The following PALLD variants were observed in gnomAD, a reference collection of about 807,000 sequenced individuals.
PALLD encodes palladin.
In PALLD, 61 loss-of-function variants were observed where a neutral mutation model predicts 123.5. The ratio of observed to expected loss-of-function variants is 0.49; its 90% CI spans 0.40 to 0.61. PALLD has a LOEUF of 0.61. PALLD is among the 20% of genes least tolerant of loss of function. PALLD has a pLI of 0.00. For synonymous variants in PALLD, 465 were observed against 496.4 expected (o/e 0.94, Z 0.84); for missense variants, 1,273 against 1,377.0 (o/e 0.92, Z 1.20).
intron 2 of PALLD, among the ~76,000 whole-genome samples, chr4:168,637,455 T>C (rs1350549752): frequency 2.0e-5 from 3 of 151,844 alleles, no homozygotes; most frequent in Non-Finnish European, 4.4e-5. Flanking sequence ...TTTGGCTCCA[T>C]GTTCTTCCTA....
intron 10 of PALLD, among the ~76,000 whole-genome samples, chr4:168,839,872 G>T (rs1745787912): frequency 6.6e-6 from 1 of 152,090 alleles, no homozygotes; most frequent in Non-Finnish European, 1.5e-5. Context: ...AAGAAAATTG[G>T]GCTCTCCGTG....
At chr4:168,539,196 A>T (rs1240787106) in intron 2 of PALLD, among the ~76,000 whole-genome samples, 1 of 152,192 alleles carries the variant, frequency 6.6e-6, no homozygotes, top group Non-Finnish European at 1.5e-5. Context: ...GGCTTAGAGA[A>T]ATTAAGTAAC....
intron 2 of PALLD, among the ~76,000 whole-genome samples, chr4:168,552,182 T>C (rs1229214027): frequency 6.6e-6 from 1 of 152,162 alleles, no homozygotes; most frequent in African/African-American, 2.4e-5. Flanking sequence ...GAGTTTGTAT[T>C]TGACATCAAT....
chr4:168,825,039 C>T (rs1462829508), intron 10 of PALLD, among the ~76,000 whole-genome samples: 3 of 151,518 alleles, frequency 2.0e-5, no homozygotes, highest in African/African-American at 7.3e-5. Flanking sequence ...TGGTCTCCAA[C>T]TCCTGGGCTC....
At chr4:168,820,610 G>T (rs1742577028) in intron 10 of PALLD, among the ~76,000 whole-genome samples, 1 of 152,090 alleles carries the variant, frequency 6.6e-6, no homozygotes, top group African/African-American at 2.4e-5. Context: ...TACACCCAAA[G>T]CATGAGCTCT....
chr4:168,585,590 G>A (rs1227886530), intron 2 of PALLD, among the ~76,000 whole-genome samples: 2 of 150,760 alleles, frequency 1.3e-5, no homozygotes, highest in African/African-American at 4.9e-5. Flanking sequence ...ACAGAGGGGG[G>A]CCTGGGATCC....
At chr4:168,605,265 T>A (rs992506243) in intron 2 of PALLD, among the ~76,000 whole-genome samples, 4 of 147,300 alleles carry the variant, frequency 2.7e-5, no homozygotes, top group Non-Finnish European at 6.0e-5. Context: ...AAAAAAAAAA[T>A]ACCGATGCCT....
At chr4:168,590,972 C>T (rs187506693) in intron 2 of PALLD, among the ~76,000 whole-genome samples, 1 of 142,282 alleles carries the variant, frequency 7.0e-6, no homozygotes, top group African/African-American at 2.7e-5. Flanking sequence ...CTCCTCCCCC[C>T]AGGTTCAAGC....
Position 168,913,991 on chromosome 4 carries a change from G to T in PALLD, c.2687G>T (p.Arg896Leu). ...QAVNQRGRSP[R>L]SPSGHPHVRR... Reference sequence around the variant, plus strand: ...GTCAACCAAAGAGGTCGAAGTCCCCGGTCTCCCTCAGGCCATCCTCATGTC... The same window carrying T: ...GTCAACCAAAGAGGTCGAAGTCCCCTGTCTCCCTCAGGCCATCCTCATGTC... The change falls in exon 16 of 22, where the codon CGG (arginine) becomes CTG (leucine). Residue 896 changes from arginine (R) to leucine (L), a missense_variant. Transcript: ENST00000505667. 1.9e-6 allele frequency: 3 copies of T among 1,611,586 alleles called. No individual in the cohort carries two copies. Among genetic ancestry groups the T allele is most frequent in the Non-Finnish European group, 2.5e-6 (3 of 1,177,766 alleles).
intron 16 of PALLD, among the ~76,000 whole-genome samples, chr4:168,914,241 A>G (rs897434731): frequency 6.6e-6 from 1 of 152,216 alleles, no homozygotes; most frequent in Non-Finnish European, 1.5e-5. Context: ...GCCCATTCAC[A>G]TATACTATTA....
intron 2 of PALLD, among the ~76,000 whole-genome samples, chr4:168,625,520 C>CGATAGA (rs1775178123): frequency 8.0e-5 from 2 of 25,108 alleles, no homozygotes; most frequent in Non-Finnish European, 2.4e-4. Flanking sequence ...TATATATATC[C>CGATAGA]TATAAGGGGT....
intron 10 of PALLD, among the ~76,000 whole-genome samples, chr4:168,740,422 A>G (rs1788209023): frequency 6.6e-6 from 1 of 152,220 alleles, no homozygotes; most frequent in African/African-American, 2.4e-5. Context: ...AACTACATTA[A>G]AAATCTAACT....
intron 10 of PALLD, among the ~76,000 whole-genome samples, chr4:168,808,935 A>T (rs944873931): frequency 1.3e-5 from 2 of 152,236 alleles, no homozygotes; most frequent in African/African-American, 4.8e-5. Context: ...CATATCAAGT[A>T]TATAAGCAGG....
rs1288585149 is a variant in PALLD, at chr4:168,925,263, G to A, written c.*17G>A. On this transcript the variant is annotated 3_prime_UTR_variant, in exon 21 of 22. Transcript: ENST00000505667. ...CGACATTAATAGTGAACCACACCAG[G>A]AGAACAAATACCCAAGTATCATTCA... The A allele has an allele frequency of 6.2e-7, 1 of 1,606,938 alleles. No homozygotes were observed. Among genetic ancestry groups the A allele is most frequent in the Admixed American group, 1.7e-5 (1 of 60,006 alleles).
intron 10 of PALLD, among the ~76,000 whole-genome samples, chr4:168,859,978 T>C (rs1749203094): frequency 6.6e-6 from 1 of 152,248 alleles, no homozygotes; most frequent in Admixed American, 6.5e-5. Flanking sequence ...TTAAATCTGC[T>C]GTGTACTTGA....
intron 10 of PALLD, among the ~76,000 whole-genome samples, chr4:168,786,650 A>G (rs1314668935): frequency 6.6e-6 from 1 of 152,234 alleles, no homozygotes; most frequent in Non-Finnish European, 1.5e-5. Flanking sequence ...AGCTTGGGCA[A>G]CAGAGCGAGA....
intron 10 of PALLD, among the ~76,000 whole-genome samples, chr4:168,813,775 A>T (rs1057163386): frequency 6.6e-6 from 1 of 152,128 alleles, no homozygotes; most frequent in African/African-American, 2.4e-5. Flanking sequence ...GCATAATTGG[A>T]TATATTTTAA....
At chr4:168,601,456 C>T (rs1347614434) in intron 2 of PALLD, among the ~76,000 whole-genome samples, 2 of 152,078 alleles carry the variant, frequency 1.3e-5, no homozygotes, top group Admixed American at 1.3e-4. Context: ...CCACTACCAC[C>T]GTCACCACCA....
At chr4:168,597,988 T>A (rs995264362) in intron 2 of PALLD, among the ~76,000 whole-genome samples, 3 of 152,164 alleles carry the variant, frequency 2.0e-5, no homozygotes, top group Admixed American at 2.0e-4. Context: ...TTTGCTCTTC[T>A]TTATAAACAT....
Sources: gnomAD v4.1 joint callset for allele counts (sites outside exome capture counted in the v4.1 genomes callset) on GRCh38, gnomAD v4.1.1 for gene constraint, MANE v1.5 for transcripts, NCBI Gene and HGNC (gene_info 2026-07-23, HGNC 2026-07-21) for gene names.